The following NENF variants were observed in gnomAD, a reference collection of about 807,000 sequenced individuals.
NENF encodes the protein neudesin.
NENF carries 6 observed loss-of-function variants against 14.8 expected under a neutral mutation model. The ratio of observed to expected loss-of-function variants is 0.40; its 90% CI spans 0.22 to 0.80. The LOEUF (loss-of-function observed/expected upper bound fraction) is 0.80. Ranked by LOEUF, NENF falls within the 30% of genes least tolerant of loss-of-function variation. The probability of loss-of-function intolerance (pLI) is 0.34; values close to 1 mark genes in which losing one functional copy is unlikely to be tolerated. For synonymous variants in NENF, 76 were observed against 95.1 expected, an observed-to-expected ratio of 0.80 and a Z score of 1.17; for missense variants, 184 against 212.7, an observed-to-expected ratio of 0.87 and a Z score of 0.84.
chr1:212,440,234 A>G (rs1662679653), intron 1 of NENF, among the ~76,000 whole-genome samples: 1 of 146,012 alleles, frequency 6.8e-6, no homozygotes, highest in East Asian at 2.2e-4. Flanking sequence ...TCTGGGTGAC[A>G]GAGTAAGACT....
intron 1 of NENF, among the ~76,000 whole-genome samples, chr1:212,435,850 CT>C (rs1662594146): frequency 6.6e-6 from 1 of 152,076 alleles, no homozygotes; most frequent in South Asian, 2.1e-4. Context: ...TGGCTCAAAA[CT>C]TAATTACTAA....
rs565637538 is a variant in NENF at position 212,442,527 on chromosome 1, C to G, written c.178-38C>G. ...CTAAGTTGCACTGGAAGAGCTGGCT[C>G]TTCCCTTCCTCTTCACAGCTTCTCC... is the stretch of plus-strand genomic sequence containing the variant. On this transcript the variant is annotated intron_variant, in intron 1 of 3. Coordinates refer to ENST00000366988, the MANE Select transcript of NENF (RefSeq NM_013349.5). The G allele has an allele frequency of 6.2e-5, 96 of 1,541,164 alleles. 1 individual carries two copies. In the South Asian group the frequency reaches 9.3e-4, roughly 15 times the overall value.
chr1:212,437,815 G>C (rs1662632743), intron 1 of NENF, among the ~76,000 whole-genome samples: 1 of 152,108 alleles, frequency 6.6e-6, no homozygotes, highest in Admixed American at 6.5e-5. Context: ...TTCACATATG[G>C]GAATAGAAAA....
chr1:212,436,307 C>CTTTTTTTTTTTTTTTTTT (rs71573839), intron 1 of NENF, among the ~76,000 whole-genome samples: 1 of 112,642 alleles, frequency 8.9e-6, no homozygotes, highest in Non-Finnish European at 1.8e-5. Flanking sequence ...GCCCATGGGT[C>CTTTTTTTTTTTTTTTTTT]TTTTTTTTTT....
chr1:212,439,010 G>T (rs1662652050), intron 1 of NENF, among the ~76,000 whole-genome samples: 1 of 151,832 alleles, frequency 6.6e-6, no homozygotes, highest in Non-Finnish European at 1.5e-5. Flanking sequence ...GTCTGTGCCT[G>T]GGGGTTGTGC....
At chr1:212,435,559 T>C (rs1227124224) in intron 1 of NENF, among the ~76,000 whole-genome samples, 1 of 150,656 alleles carries the variant, frequency 6.6e-6, no homozygotes, top group Non-Finnish European at 1.5e-5. Context: ...TTTTTTTTTT[T>C]TTTTTTGAGA....
intron 1 of NENF, among the ~76,000 whole-genome samples, chr1:212,437,496 G>C (rs1662627679): frequency 6.6e-6 from 1 of 151,956 alleles, no homozygotes; most frequent in Non-Finnish European, 1.5e-5. Context: ...GAAACATCTA[G>C]CAATGAGTGA....
Position 212,442,608 on chromosome 1 carries a change from A to G in NENF, c.221A>G (p.Asp74Gly), listed in dbSNP as rs774648644. 1.2e-6 allele frequency: 2 copies of G among 1,613,546 alleles called. No individual in the cohort carries two copies. Among genetic ancestry groups the G allele is most frequent in the Non-Finnish European group, 1.7e-6 (2 of 1,179,522 alleles). ...IYLAVKGVVF[D>G]VTSGKEFYGR... is the part of the protein sequence containing the mutation. ...TTGGCAGTGAAGGGAGTGGTGTTTG[A>G]TGTCACCTCCGGAAAGGGTAAGTGG... The change falls in exon 2 of 4, where the codon GAT becomes GGT. Residue 74 changes from aspartate to glycine, a missense_variant. By Grantham distance (94) the Asp-to-Gly change is moderately conservative (BLOSUM62 -1). Coordinates refer to ENST00000366988, the MANE Select transcript of NENF (RefSeq NM_013349.5).
intron 1 of NENF, among the ~76,000 whole-genome samples, chr1:212,439,790 G>A (rs1662671935): frequency 1.3e-5 from 2 of 151,764 alleles, no homozygotes; most frequent in African/African-American, 4.8e-5. Flanking sequence ...AACCTGGGAG[G>A]CAGAGGTTGC....
chr1:212,433,029 C>T lies in NENF; in HGVS notation c.86C>T (p.Ala29Val). Residue 29 changes from alanine (A) to valine (V), a missense_variant, in exon 1 of 4, where the codon GCC (alanine) becomes GTC (valine). Physicochemically the swap from Ala to Val is moderately conservative, Grantham distance 64. Coordinates refer to ENST00000366988, the MANE Select transcript of NENF (RefSeq NM_013349.5). This position sits in a 1 kb window ranked among gnomAD's most constrained non-coding sequence, Gnocchi z 5.5. ...GCGCTGGCCCCGGGGCTGCCCACAG[C>T]CCGGGCCGGGCAGACACCGCGCCCT... The part of the protein sequence containing the change: ...VLALAPGLPT[A>V]RAGQTPRPAE... 2 of 1,180,832 alleles carry T rather than the reference C, an allele frequency of 1.7e-6. No individual in the cohort carries two copies. The highest frequency in any genetic ancestry group is 2.1e-6 in the Non-Finnish European group (2 of 955,058). 73.1% of individuals were successfully genotyped at this position (1,180,832 alleles called of 1,614,324 possible).
intron 3 of NENF, 61 bp downstream of exon 3, chr1:212,444,503 T>C: frequency 9.1e-7 from 1 of 1,101,402 alleles, no homozygotes; most frequent in Non-Finnish European, 1.3e-6. Flanking sequence ...CTTTTTCTCT[T>C]TTTCTTTTTC....
At chr1:212,439,188 C>G (rs1453800951) in intron 1 of NENF, among the ~76,000 whole-genome samples, 1 of 152,234 alleles carries the variant, frequency 6.6e-6, no homozygotes, top group South Asian at 2.1e-4. Flanking sequence ...CCTCTTCGCA[C>G]TTACACCTTC....
At chr1:212,434,325 AG>A (rs762061158) in intron 1 of NENF, among the ~76,000 whole-genome samples, 9 of 152,166 alleles carry the variant, frequency 5.9e-5, no homozygotes, top group Non-Finnish European at 1.3e-4. Flanking sequence ...CCTACTTGCA[AG>A]GGTGGGACTT....
intron 1 of NENF, among the ~76,000 whole-genome samples, chr1:212,435,773 G>T (rs1005572693): frequency 6.6e-6 from 1 of 151,924 alleles, no homozygotes; most frequent in Non-Finnish European, 1.5e-5. Context: ...TCAAACTCCT[G>T]GGCTCAAGCA....
chr1:212,442,709 A>C, intron 2 of NENF, 84 bp downstream of exon 2: 2 of 916,044 alleles, frequency 2.2e-6, no homozygotes, highest in Non-Finnish European at 3.7e-6. Context: ...GAGGAAAGGG[A>C]GGGAACATTA....
chr1:212,438,485 A>G (rs1227433142), intron 1 of NENF, among the ~76,000 whole-genome samples: 2 of 152,206 alleles, frequency 1.3e-5, no homozygotes, highest in African/African-American at 4.8e-5. Flanking sequence ...CTTCACCTAC[A>G]AAATGGGTAT....
At chr1:212,439,109 T>C (rs1022012937) in intron 1 of NENF, among the ~76,000 whole-genome samples, 4 of 151,478 alleles carry the variant, frequency 2.6e-5, no homozygotes, top group African/African-American at 7.3e-5. Flanking sequence ...GCATGGCATA[T>C]GAGGTATCTA....
Position 212,440,976 on chromosome 1 carries a change from GGA to G in NENF, c.178-1584_178-1583del, listed in dbSNP as rs372019893. Among the ~76,000 whole-genome samples, 392 of 152,310 alleles carry G rather than the reference GGA, an allele frequency of 2.6e-3. 4 individuals are homozygous for G. The highest frequency in any genetic ancestry group is 9.0e-3 in the African/African-American group (372 of 41,558). ...GCACCTCTGATGGCACTGAGACAAAGGAGAGATCTTGTCTTGGGTGTCTTGGG... is the reference window on the plus strand; with the variant it reads ...GCACCTCTGATGGCACTGAGACAAAGGAGATCTTGTCTTGGGTGTCTTGGG... On this transcript the variant is annotated intron_variant, in intron 1 of 3. Transcript: ENST00000366988.
Position 212,433,281 on chromosome 1 carries a change from C to G in NENF, c.177+161C>G, listed in dbSNP as rs758001326. Among the ~76,000 whole-genome samples the G allele has an allele frequency of 2.2e-3, 334 of 151,974 alleles. 3 individuals carry two copies. Among genetic ancestry groups the G allele is most frequent in the Non-Finnish European group, 3.9e-3 (264 of 67,858 alleles). On this transcript the variant is annotated intron_variant, in intron 1 of 3. Transcript: ENST00000366988. The surrounding 1 kb of genome is among the most constrained non-coding windows in gnomAD (Gnocchi z 5.5). ...CGGGGGGCCTCCTCTCTCTAGGCCCCGAAGGATGGCCGAGGGGTGAGGACG... is the reference window on the plus strand; with the variant it reads ...CGGGGGGCCTCCTCTCTCTAGGCCCGGAAGGATGGCCGAGGGGTGAGGACG...
Sources: gnomAD v4.1 joint callset for allele counts (sites outside exome capture counted in the v4.1 genomes callset) on GRCh38, gnomAD v4.1.1 for gene constraint, Gnocchi (gnomAD v3.1) non-coding constraint, MANE v1.5 for transcripts, NCBI Gene and HGNC (gene_info 2026-07-23, HGNC 2026-07-21) for gene names.